The following TTLL3 variants were observed in gnomAD, a reference collection of about 807,000 sequenced individuals.
TTLL3 encodes the protein tubulin tyrosine ligase like 3, also known as tubulin monoglycylase TTLL3.
In TTLL3, 63 loss-of-function variants were observed where a neutral mutation model predicts 75.2. That is an observed-to-expected ratio of 0.84 (90% confidence interval 0.68 to 1.03). TTLL3 has a LOEUF of 1.03. Ranked by LOEUF, TTLL3 falls within the 50% of genes least tolerant of loss-of-function variation. The pLI is 0.00. For synonymous variants in TTLL3, 393 were observed against 418.5 expected, an observed-to-expected ratio of 0.94 and a Z score of 0.74; for missense variants, 997 against 1,069.9, an observed-to-expected ratio of 0.93 and a Z score of 0.95.
At chr3:9,822,110 G>A (rs189851693) in intron 8 of TTLL3, among the ~76,000 whole-genome samples, 34 of 116,816 alleles carry the variant, frequency 2.9e-4, no homozygotes, top group African/African-American at 7.5e-4. Context: ...CTGTTGCCCA[G>A]GCTGGAGTGC....
rs2079280353 is a variant in TTLL3, at chr3:9,810,785, A to G, written c.48+76A>G. ...CTGTCTCCCTGCGCTGTTTTCTTAT[A>G]TCCTTAAAAAACAAAAGCAAAAGAA... On this transcript the variant is annotated intron_variant, in intron 2 of 13. Coordinates refer to ENST00000685419, the MANE Select transcript of TTLL3 (RefSeq NM_001387446.1). This position sits in a 1 kb window ranked among gnomAD's most constrained non-coding sequence, Gnocchi z 4.4. The G allele has an allele frequency of 7.4e-7, 1 of 1,347,796 alleles. No individual in the cohort carries two copies. Among genetic ancestry groups the G allele is most frequent in the Non-Finnish European group, 1.0e-6 (1 of 994,424 alleles). 83.5% of individuals were successfully genotyped at this position (1,347,796 alleles called of 1,614,324 possible). A position where few individuals can be genotyped will look rare whatever the true frequency, so the allele number is the denominator to read the frequency against.
chr3:9,820,334 C>CT (rs2080293579), intron 7 of TTLL3: 1 of 1,421,668 alleles, frequency 7.0e-7, no homozygotes, highest in Non-Finnish European at 9.2e-7. Flanking sequence ...GTGACAGGTC[C>CT]TGGGACAGTG....
chr3:9,834,728 C>G lies in TTLL3; in HGVS notation c.1873C>G (p.Pro625Ala), dbSNP rs1180448640. Residue 625 changes from proline to alanine, a missense_variant, in exon 13 of 14, where the codon CCC becomes GCC. Coordinates refer to ENST00000685419, the MANE Select transcript of TTLL3 (RefSeq NM_001387446.1). ...SLHTKAQLPSPHVLRHQGQVL... is the reference protein window; with the variant it reads ...SLHTKAQLPSAHVLRHQGQVL... ...CCACACCAAGGCCCAGCTGCCTTCT[C>G]CCCATGTACTCCGACACCAGGGCCA... The G allele has an allele frequency of 1.2e-6, 2 of 1,614,220 alleles. No homozygotes were observed. The highest frequency in any genetic ancestry group is 2.2e-5 in the South Asian group (2 of 91,080).
At chr3:9,815,788 G>T (rs1377009522) in intron 4 of TTLL3, among the ~76,000 whole-genome samples, 2 of 152,250 alleles carry the variant, frequency 1.3e-5, no homozygotes, top group African/African-American at 4.8e-5. Flanking sequence ...GGGCTGACAA[G>T]CCTCATAGGA....
chr3:9,830,015 G>A (rs1275215477), intron 11 of TTLL3, among the ~76,000 whole-genome samples: 2 of 152,122 alleles, frequency 1.3e-5, no homozygotes. Flanking sequence ...GCTAATTTTT[G>A]TATTTTTAGT....
At chr3:9,811,409 G>C (rs1287412232) in intron 2 of TTLL3, among the ~76,000 whole-genome samples, 3 of 152,150 alleles carry the variant, frequency 2.0e-5, no homozygotes, top group Non-Finnish European at 4.4e-5. Context: ...TCATCTTTCT[G>C]TTTCTTCACC....
intron 7 of TTLL3, 156 bp from the exon 8 acceptor site, chr3:9,820,390 C>T: frequency 1.3e-6 from 2 of 1,503,998 alleles, no homozygotes; most frequent in Non-Finnish European, 1.8e-6. Flanking sequence ...TAGAGCAAAG[C>T]CTCAGCTAAG....
At chr3:9,819,933 T>C (rs1006463301) in intron 7 of TTLL3, 30 of 985,660 alleles carry the variant, frequency 3.0e-5, no homozygotes, top group Non-Finnish European at 3.5e-5. Flanking sequence ...AGGGCCTCAG[T>C]TGTATATCAG....
chr3:9,821,824 G>A (rs1251869627), intron 8 of TTLL3, among the ~76,000 whole-genome samples: 3 of 151,914 alleles, frequency 2.0e-5, no homozygotes, highest in African/African-American at 7.3e-5. Context: ...CCAATATGGC[G>A]AAACCCCATC....
At position 9,835,559 on chromosome 3, in the gene TTLL3, T is replaced by C; in HGVS notation, c.*70T>C. 1 of 1,430,044 alleles carries C rather than the reference T, an allele frequency of 7.0e-7. No homozygotes were observed. Among genetic ancestry groups the C allele is most frequent in the Non-Finnish European group, 9.4e-7 (1 of 1,066,184 alleles). 88.6% of individuals were successfully genotyped at this position (1,430,044 alleles called of 1,614,324 possible). On this transcript the variant is annotated 3_prime_UTR_variant, in exon 14 of 14. Transcript: ENST00000685419. ...CTAAGGACAGACATGGGGCTTCCTA[T>C]TTAGGGACTCCCCCAGCATCTCCGA...
At chr3:9,834,652 G>A (rs1420675850) in intron 12 of TTLL3, 29 bp from the exon 13 acceptor site, 8 of 1,612,756 alleles carry the variant, frequency 5.0e-6, no homozygotes, top group Non-Finnish European at 6.8e-6. Flanking sequence ...CCCCACCCCA[G>A]GGCCTCACAG....
intron 11 of TTLL3, among the ~76,000 whole-genome samples, chr3:9,831,180 GT>G (rs34481871): frequency 0.63 from 95,768 of 151,416 alleles, 31,217 homozygotes; most frequent in Non-Finnish European, 0.7. Context: ...ACCTTGCACT[GT>G]TTTTTTTTGT....
chr3:9,830,079 G>C (rs2081381348), intron 11 of TTLL3, among the ~76,000 whole-genome samples: 1 of 152,150 alleles, frequency 6.6e-6, no homozygotes, highest in African/African-American at 2.4e-5. Context: ...CTGACCTCAG[G>C]TGATCCGCCC....
rs757799568 is a variant in TTLL3 at position 9,813,340 on chromosome 3, C to T, written c.310C>T (p.Leu104=). The stretch of plus-strand genomic sequence containing the variant: ...TGATGACCTAGATGGAACACATGCT[C>T]TGATGGTGAGGGCCCTGGGGGCCAA... ...KFDDLDGTHA[L]MSRMVQNEIP... is the part of the protein sequence containing the mutation. The change falls in exon 4 of 14, where the codon CTG becomes TTG. Residue 104 remains leucine, a synonymous_variant. Transcript: ENST00000685419. 25 of 1,614,020 alleles carry T rather than the reference C, an allele frequency of 1.5e-5. No individual in the cohort carries two copies. The African/African-American group carries it at 3.2e-4, about 21-fold the overall frequency.
At chr3:9,821,038 A>G (rs1559740689) in intron 8 of TTLL3, 1 of 395,850 alleles carries the variant, frequency 2.5e-6, no homozygotes, top group East Asian at 4.3e-5. Flanking sequence ...ATTTTATGAA[A>G]AAAGGGCTTT....
upstream of TTLL3, chr3:9,810,158 C>G: frequency 6.8e-7 from 1 of 1,472,756 alleles, no homozygotes; most frequent in Admixed American, 2.5e-5. The surrounding 1 kb of genome is among the most constrained non-coding windows in gnomAD (Gnocchi z 4.4). Context: ...AGTTTCCCCT[C>G]GGCGCGCCGC....
At chr3:9,824,737 C>CTTTTTTTTTTTTTTT (rs71052207) in intron 8 of TTLL3, among the ~76,000 whole-genome samples, 24 of 80,676 alleles carry the variant, frequency 3.0e-4, no homozygotes, top group East Asian at 7.6e-4. Flanking sequence ...CTTTTCTTTT[C>CTTTTTTTTTTTTTTT]TTTTTTTTTT....
chr3:9,814,683 T>C (rs2079661946), intron 4 of TTLL3, among the ~76,000 whole-genome samples: 1 of 151,764 alleles, frequency 6.6e-6, no homozygotes, highest in Non-Finnish European at 1.5e-5. Flanking sequence ...TAGCCAGGCA[T>C]GGTGGCGGGC....
chr3:9,834,707 A>C lies in TTLL3; in HGVS notation c.1852A>C (p.Thr618Pro), dbSNP rs1297416427. ...EARHHFPSLH[T>P]KAQLPSPHVL... ...CCGTCACCACTTCCCCAGCCTCCAC[A>C]CCAAGGCCCAGCTGCCTTCTCCCCA... The change falls in exon 13 of 14, where the codon ACC (threonine) becomes CCC (proline). Residue 618 changes from threonine to proline, a missense_variant. Physicochemically the swap from Thr to Pro is conservative, Grantham distance 38. Coordinates refer to ENST00000685419, the MANE Select transcript of TTLL3 (RefSeq NM_001387446.1). 1 of 1,613,890 alleles carries C rather than the reference A, an allele frequency of 6.2e-7. No individual in the cohort carries two copies. Among genetic ancestry groups the C allele is most frequent in the Non-Finnish European group, 8.5e-7 (1 of 1,180,012 alleles).
Sources: gnomAD v4.1 joint callset for allele counts (sites outside exome capture counted in the v4.1 genomes callset) on GRCh38, gnomAD v4.1.1 for gene constraint, Gnocchi (gnomAD v3.1) non-coding constraint, MANE v1.5 for transcripts, NCBI Gene and HGNC (gene_info 2026-07-23, HGNC 2026-07-21) for gene names.